Variants in DPYSL2 observed in about 807,000 individuals in gnomAD.
The protein encoded by DPYSL2 is dihydropyrimidinase-related protein 2.
A neutral mutation model predicts 69.9 loss-of-function variants in DPYSL2; 13 were observed. The observed-to-expected ratio is 0.19, with a 90% CI of 0.12 to 0.30. The LOEUF is 0.30. DPYSL2 is among the 10% of genes least tolerant of loss of function. DPYSL2 has a pLI of 1.00. For missense variants in DPYSL2, 587 were observed against 918.9 expected, an observed-to-expected ratio of 0.64 and a Z score of 4.67; for synonymous variants, 326 against 359.1, an observed-to-expected ratio of 0.91 and a Z score of 1.04.
At chr8:26,553,966 T>C (rs1800906605) in intron 1 of DPYSL2, among the ~76,000 whole-genome samples, 1 of 144,902 alleles carries the variant, frequency 6.9e-6, no homozygotes, top group South Asian at 2.2e-4. Flanking sequence ...TGGCACGATC[T>C]CTGCAACCTC....
intron 3 of DPYSL2, among the ~76,000 whole-genome samples, chr8:26,602,124 A>G (rs1802005784): frequency 6.7e-6 from 1 of 148,896 alleles, no homozygotes; most frequent in Non-Finnish European, 1.5e-5. Flanking sequence ...TATAAATTTT[A>G]TAAAACAAAG....
chr8:26,529,542 C>T (rs1310487045), intron 1 of DPYSL2, among the ~76,000 whole-genome samples: 3 of 151,870 alleles, frequency 2.0e-5, no homozygotes, highest in Admixed American at 1.3e-4. Flanking sequence ...GTCTCAAACT[C>T]CTGGGCTCAA....
At chr8:26,623,232 T>G (rs1182955462) in intron 3 of DPYSL2, among the ~76,000 whole-genome samples, 3 of 152,160 alleles carry the variant, frequency 2.0e-5, no homozygotes, top group African/African-American at 7.2e-5. Context: ...GGAGAGGTGG[T>G]CCAGGGTCAT....
chr8:26,619,229 A>G lies in DPYSL2; in HGVS notation c.629-4914A>G, dbSNP rs1563412209. On this transcript the variant is annotated intron_variant, in intron 3 of 13. Coordinates refer to ENST00000521913, the MANE Select transcript of DPYSL2 (RefSeq NM_001197293.3). This position sits in a 1 kb window ranked among gnomAD's most constrained non-coding sequence, Gnocchi z 4.8. ...GACTCTACTCCCTCCGGAAGTGAGT[A>G]TGACATTCTGCCCTATTCCCTTGGA... is the stretch of plus-strand genomic sequence containing the variant. Among the ~76,000 whole-genome samples the G allele has an allele frequency of 6.6e-6, 1 of 152,180 alleles. No homozygotes were observed. Among genetic ancestry groups the G allele is most frequent in the Non-Finnish European group, 1.5e-5 (1 of 68,040 alleles).
Position 26,617,891 on chromosome 8 carries a change from T to C in DPYSL2, c.629-6252T>C, listed in dbSNP as rs540940026. On this transcript the variant is annotated intron_variant, in intron 3 of 13. Coordinates refer to ENST00000521913, the MANE Select transcript of DPYSL2 (RefSeq NM_001197293.3). The surrounding 1 kb of genome is among the most constrained non-coding windows in gnomAD (Gnocchi z 4.7). Reference sequence around the variant, plus strand: ...AGTGACTGTAAGTGGGTACCAGGTTTCTTTTTTGAGTCATGTTCTAAAATT... The same window carrying C: ...AGTGACTGTAAGTGGGTACCAGGTTCCTTTTTTGAGTCATGTTCTAAAATT... Among the ~76,000 whole-genome samples the C allele has an allele frequency of 1.3e-5, 2 of 152,294 alleles. No homozygotes were observed. Among genetic ancestry groups the C allele is most frequent in the Admixed American group, 1.3e-4 (2 of 15,298 alleles).
At position 26,514,490 on chromosome 8, in the gene DPYSL2, G is replaced by A; in HGVS notation, c.165G>A (p.Leu55=). ...SENKTIDFDS[L]SVGRGSGQVV... The stretch of plus-strand genomic sequence containing the variant: ...ACAAGACCATCGACTTCGACTCGCT[G>A]TCGGTGGGCCGGGGCTCGGGGCAGG... The change falls in exon 1 of 14, where the codon CTG becomes CTA. Residue 55 remains leucine (L), a synonymous_variant. Transcript: ENST00000521913. The surrounding 1 kb of genome is among the most constrained non-coding windows in gnomAD (Gnocchi z 8.4). The A allele has an allele frequency of 1.3e-6, 2 of 1,529,406 alleles. No individual in the cohort carries two copies. Among genetic ancestry groups the A allele is most frequent in the South Asian group, 1.2e-5 (1 of 82,604 alleles). 94.7% of individuals were successfully genotyped at this position (1,529,406 alleles called of 1,614,324 possible). A position where few individuals can be genotyped will look rare whatever the true frequency, so the allele number is the denominator to read the frequency against.
intron 1 of DPYSL2, among the ~76,000 whole-genome samples, chr8:26,567,055 GCCAT>G (rs1801161587): frequency 1.3e-5 from 2 of 148,242 alleles, no homozygotes; most frequent in South Asian, 4.3e-4. Flanking sequence ...TACCCACTCA[GCCAT>G]CCATCCATCC....
At position 26,654,551 on chromosome 8, in the gene DPYSL2, T is replaced by C. The variant is rs1467605045; in HGVS notation, c.1943-1064T>C. ...GTTGTAAGTAAAACGTGTATAATCA[T>C]GTCTGTGTTTTCTGATCTCTCAAAG... On this transcript the variant is annotated intron_variant, in intron 13 of 13. Coordinates refer to ENST00000521913, the MANE Select transcript of DPYSL2 (RefSeq NM_001197293.3). This position sits in a 1 kb window ranked among gnomAD's most constrained non-coding sequence, Gnocchi z 5.0. 6.6e-6 allele frequency among the ~76,000 whole-genome samples: 1 copy of C among 152,196 alleles called. No individual in the cohort carries two copies. Among genetic ancestry groups the C allele is most frequent in the Non-Finnish European group, 1.5e-5 (1 of 68,034 alleles).
At chr8:26,606,837 C>T (rs1288807494) in intron 3 of DPYSL2, among the ~76,000 whole-genome samples, 3 of 152,064 alleles carry the variant, frequency 2.0e-5, no homozygotes, top group Non-Finnish European at 4.4e-5. Context: ...TAATAAATGT[C>T]AATTCTGAGG....
At chr8:26,537,729 C>T (rs1315020348) in intron 1 of DPYSL2, among the ~76,000 whole-genome samples, 1 of 151,984 alleles carries the variant, frequency 6.6e-6, no homozygotes, top group Non-Finnish European at 1.5e-5. Context: ...GACAAGATTA[C>T]TTTTCTTCAT....
chr8:26,602,321 C>T (rs1399470957), intron 3 of DPYSL2, among the ~76,000 whole-genome samples: 1 of 151,744 alleles, frequency 6.6e-6, no homozygotes, highest in African/African-American at 2.4e-5. Flanking sequence ...CTGTTTCAAC[C>T]CGAGATCTCT....
In DPYSL2 at chr8:26,650,741, T is replaced by TCA. The variant is rs1803265662; in HGVS notation, c.1597-1516_1597-1515insCA. Among the ~76,000 whole-genome samples, 1 of 152,036 alleles carries TCA rather than the reference T, an allele frequency of 6.6e-6. No homozygotes were observed. Among genetic ancestry groups the TCA allele is most frequent in the Non-Finnish European group, 1.5e-5 (1 of 68,004 alleles). ...AGACCATCTGCTGTGCAGACAGGGG[T>TCA]GGCAGAAAATCTCGCAGGCCTCGAC... On this transcript the variant is annotated intron_variant, in intron 11 of 13. Coordinates refer to ENST00000521913, the MANE Select transcript of DPYSL2 (RefSeq NM_001197293.3). This position sits in a 1 kb window ranked among gnomAD's most constrained non-coding sequence, Gnocchi z 5.3.
rs1288698407 is a variant in DPYSL2, at chr8:26,516,966, T to A, written c.354+2287T>A. ...TCCGAAAAGCTCAACTGGCCCACCA[T>A]TTTGACTGAGTTGACTTGTCATTAG... On this transcript the variant is annotated intron_variant, in intron 1 of 13. Coordinates refer to ENST00000521913, the MANE Select transcript of DPYSL2 (RefSeq NM_001197293.3). This position sits in a 1 kb window ranked among gnomAD's most constrained non-coding sequence, Gnocchi z 4.8. Among the ~76,000 whole-genome samples the A allele has an allele frequency of 6.6e-6, 1 of 152,226 alleles. No homozygotes were observed. The highest frequency in any genetic ancestry group is 6.5e-5 in the Admixed American group (1 of 15,278).
chr8:26,567,790 G>A (rs1447916392), intron 1 of DPYSL2, among the ~76,000 whole-genome samples: 2 of 152,224 alleles, frequency 1.3e-5, no homozygotes, highest in African/African-American at 2.4e-5. Context: ...TGGTGCCCCC[G>A]GTGAGGTAGT....
intron 1 of DPYSL2, chr8:26,578,331 C>T: frequency 6.2e-7 from 1 of 1,613,826 alleles, no homozygotes; most frequent in Non-Finnish European, 8.5e-7. Flanking sequence ...GTCGGCCAGC[C>T]ACCTTTTGTA....
chr8:26,644,740 T>A lies in DPYSL2; in HGVS notation c.1425+649T>A, dbSNP rs1012367604. 1.3e-5 allele frequency among the ~76,000 whole-genome samples: 2 copies of A among 152,286 alleles called. No homozygotes were observed. The highest frequency in any genetic ancestry group is 2.4e-5 in the African/African-American group (1 of 41,554). On this transcript the variant is annotated intron_variant, in intron 10 of 13. Coordinates refer to ENST00000521913, the MANE Select transcript of DPYSL2 (RefSeq NM_001197293.3). This position sits in a 1 kb window ranked among gnomAD's most constrained non-coding sequence, Gnocchi z 4.5. Reference sequence around the variant, plus strand: ...GTGACTTACTCAGTTAATCCTCGTCTACTCTTGGAAATGGGCTCAATTTCC... The same window carrying A: ...GTGACTTACTCAGTTAATCCTCGTCAACTCTTGGAAATGGGCTCAATTTCC...
intron 1 of DPYSL2, among the ~76,000 whole-genome samples, chr8:26,542,396 CA>C (rs1167313678): frequency 9.1e-6 from 1 of 109,860 alleles, no homozygotes; most frequent in Non-Finnish European, 1.9e-5. Context: ...TTATTGTTTC[CA>C]GGTTTTTAAA....
intron 1 of DPYSL2, among the ~76,000 whole-genome samples, chr8:26,579,257 C>T (rs138519328): frequency 6.6e-6 from 1 of 152,358 alleles, no homozygotes; most frequent in East Asian, 1.9e-4. Context: ...AACGTCTGTG[C>T]CGTGAATTAG....
intron 3 of DPYSL2, among the ~76,000 whole-genome samples, chr8:26,595,331 A>C (rs922591264): frequency 2.0e-5 from 3 of 152,002 alleles, no homozygotes; most frequent in African/African-American, 7.2e-5. Flanking sequence ...TCCTCCAAAT[A>C]ATCTCTGGAG....
Sources: gnomAD v4.1 joint callset for allele counts (sites outside exome capture counted in the v4.1 genomes callset) on GRCh38, gnomAD v4.1.1 for gene constraint, Gnocchi (gnomAD v3.1) non-coding constraint, MANE v1.5 for transcripts, NCBI Gene and HGNC (gene_info 2026-07-23, HGNC 2026-07-21) for gene names.